PHACTR2: variants seen among roughly 807,000 people sequenced by gnomAD.
PHACTR2 encodes chromosome 6 open reading frame 56.
A neutral mutation model predicts 76.0 loss-of-function variants in PHACTR2; 30 were observed. That is an observed-to-expected ratio of 0.39 (90% CI 0.30 to 0.54). The LOEUF is 0.54. PHACTR2 is among the 20% of genes least tolerant of loss of function. PHACTR2 has a pLI of 0.61. For synonymous variants in PHACTR2, 292 were observed against 292.5 expected (o/e 1.00, Z 0.02); for missense variants, 696 against 781.1 (o/e 0.89, Z 1.30).
At chr6:143,716,479 C>T (rs577672980) in intron 2 of PHACTR2, among the ~76,000 whole-genome samples, 34 of 152,236 alleles carry the variant, frequency 2.2e-4, no homozygotes, top group African/African-American at 7.5e-4. Flanking sequence ...GCACACGCCA[C>T]GATGCCCAGT....
At chr6:143,706,234 A>C (rs1181770776) in intron 1 of PHACTR2, among the ~76,000 whole-genome samples, 1 of 152,150 alleles carries the variant, frequency 6.6e-6, no homozygotes, top group Non-Finnish European at 1.5e-5. Context: ...CTCTTGAAGC[A>C]GCCTTTTCTG....
At chr6:143,607,141 C>T (rs1243340462), upstream of PHACTR2, among the ~76,000 whole-genome samples, 1 of 151,626 alleles carries the variant, frequency 6.6e-6, no homozygotes, top group Non-Finnish European at 1.5e-5. Context: ...TCAAATTTGG[C>T]AACTCTGGGG....
At chr6:143,584,821 T>G (rs1775609101) in intron 1 of PHACTR2, among the ~76,000 whole-genome samples, 1 of 151,986 alleles carries the variant, frequency 6.6e-6, no homozygotes, top group Non-Finnish European at 1.5e-5. Flanking sequence ...AGAAGTTTCC[T>G]TCTTTGGGAC....
rs1779180537 is a variant in PHACTR2 at position 143,751,504 on chromosome 6, T to C, written c.296-2250T>C. On this transcript the variant is annotated intron_variant, in intron 3 of 12. Transcript: ENST00000440869. The surrounding 1 kb of genome is among the most constrained non-coding windows in gnomAD (Gnocchi z 5.7). The stretch of plus-strand genomic sequence containing the variant: ...CTGTGGACTTTTGTCACTTGCCTTT[T>C]GGTCATACATGATTTTCTCTTTCTA... Among the ~76,000 whole-genome samples, 2 of 152,166 alleles carry C rather than the reference T, an allele frequency of 1.3e-5. No homozygotes were observed. The highest frequency in any genetic ancestry group is 4.8e-5 in the African/African-American group (2 of 41,432).
chr6:143,816,674 G>T lies in PHACTR2; in HGVS notation c.1923-7000G>T, dbSNP rs1225902716. The stretch of plus-strand genomic sequence containing the variant: ...TGTGTACTGCGATCCATGGGCAAAT[G>T]GTGTGTGCAGGAAAAAAAAAAAAAT... On this transcript the variant is annotated intron_variant, in intron 12 of 12. Transcript: ENST00000440869. The surrounding 1 kb of genome is among the most constrained non-coding windows in gnomAD (Gnocchi z 4.5). 6.6e-6 allele frequency among the ~76,000 whole-genome samples: 1 copy of T among 151,578 alleles called. No individual in the cohort carries two copies. The highest frequency in any genetic ancestry group is 1.5e-5 in the Non-Finnish European group (1 of 67,952).
In PHACTR2 at chr6:143,754,457, G is replaced by A. The variant is rs548907114; in HGVS notation, c.454+545G>A. On this transcript the variant is annotated intron_variant, in intron 4 of 12. Coordinates refer to ENST00000440869, the MANE Select transcript of PHACTR2 (RefSeq NM_001100164.2). This position sits in a 1 kb window ranked among gnomAD's most constrained non-coding sequence, Gnocchi z 6.2. ...CCCAGAGATGCCACGGACTGTGGTT[G>A]CTCTGCTGGCTGATTCCCACAGCCT... Among the ~76,000 whole-genome samples the A allele has an allele frequency of 3.9e-5, 6 of 152,342 alleles. No individual in the cohort carries two copies. The highest frequency in any genetic ancestry group is 1.2e-4 in the African/African-American group (5 of 41,570).
At chr6:143,725,762 C>A (rs1446124663) in intron 2 of PHACTR2, among the ~76,000 whole-genome samples, 2 of 150,848 alleles carry the variant, frequency 1.3e-5, no homozygotes, top group African/African-American at 4.9e-5. Flanking sequence ...GGAGGCAGAG[C>A]TTGCAGTGAG....
In PHACTR2 at chr6:143,678,315, C is replaced by A; in HGVS notation, c.46+106C>A. 2.9e-6 allele frequency: 3 copies of A among 1,042,296 alleles called. No homozygotes were observed. The highest frequency in any genetic ancestry group is 3.9e-6 in the Non-Finnish European group (3 of 771,048). The allele number at this position is 1,042,296 out of a possible 1,614,324, so 64.6% of individuals were successfully genotyped here. A position where few individuals can be genotyped will look rare whatever the true frequency, so the allele number is the denominator to read the frequency against. On this transcript the variant is annotated intron_variant, in intron 1 of 12. Transcript: ENST00000440869. This position sits in a 1 kb window ranked among gnomAD's most constrained non-coding sequence, Gnocchi z 6.2. ...TCGTCTGGTCGGGTTCCGCTCGGAC[C>A]CGCCAAGTCCCTCGGAGAAACCCCA...
chr6:143,824,725 G>A lies in PHACTR2; in HGVS notation c.*1036G>A, dbSNP rs1776499788. The A allele has an allele frequency of 6.6e-6, 1 of 152,044 alleles. No homozygotes were observed. The highest frequency in any genetic ancestry group is 6.6e-5 in the Admixed American group (1 of 15,232). 9.4% of individuals were successfully genotyped at this position (152,044 alleles called of 1,614,324 possible). A position where few individuals can be genotyped will look rare whatever the true frequency, so the allele number is the denominator to read the frequency against. ...TGCAGTTAGTCCTGCATGGGAATAAGGACTAGTTATTTTTTTAGTGCTGCA... is the reference window on the plus strand; with the variant it reads ...TGCAGTTAGTCCTGCATGGGAATAAAGACTAGTTATTTTTTTAGTGCTGCA... On this transcript the variant is annotated 3_prime_UTR_variant, in exon 13 of 13. Transcript: ENST00000440869. This position sits in a 1 kb window ranked among gnomAD's most constrained non-coding sequence, Gnocchi z 6.3.
chr6:143,771,222 A>G (rs1296094907), intron 6 of PHACTR2, among the ~76,000 whole-genome samples: 3 of 103,386 alleles, frequency 2.9e-5, no homozygotes, highest in African/African-American at 1.3e-4. Flanking sequence ...ATATATATAT[A>G]TATATATATA....
At chr6:143,590,342 C>T (rs1160424649) in intron 1 of PHACTR2, among the ~76,000 whole-genome samples, 1 of 152,040 alleles carries the variant, frequency 6.6e-6, no homozygotes, top group Admixed American at 6.6e-5. Context: ...CATGCAAGGC[C>T]TAATGAGCTT....
rs1483424685 is a variant in PHACTR2, at chr6:143,580,872, G to A, written c.217+43665G>A. Among the ~76,000 whole-genome samples the A allele has an allele frequency of 6.6e-6, 1 of 152,140 alleles. No homozygotes were observed. The highest frequency in any genetic ancestry group is 2.4e-5 in the African/African-American group (1 of 41,414). On this transcript the variant is annotated intron_variant, in intron 1 of 11. Coordinates refer to the PHACTR2 transcript ENST00000367584. The surrounding 1 kb of genome is among the most constrained non-coding windows in gnomAD (Gnocchi z 4.2). ...AGAATGCTGAGGGAACCAGGGTGGA[G>A]GTAAACTGGGAGGTGGGTGCTAAAA... is the stretch of plus-strand genomic sequence containing the variant.
intron 1 of PHACTR2, among the ~76,000 whole-genome samples, chr6:143,692,089 A>G (rs1777656098): frequency 6.6e-6 from 1 of 152,072 alleles, no homozygotes; most frequent in African/African-American, 2.4e-5. Flanking sequence ...CAGCCTCCCT[A>G]TGGAAGGCCA....
rs961435173 is a variant in PHACTR2, at chr6:143,627,779, T to C, written c.13+19457T>C. ...GCCACGCCCAGCTAATTTTTTGTATTTTTAGTAGAGATGGAGTTTCACTAT... is the reference window on the plus strand; with the variant it reads ...GCCACGCCCAGCTAATTTTTTGTATCTTTAGTAGAGATGGAGTTTCACTAT... On this transcript the variant is annotated intron_variant, in intron 1 of 11. Transcript: ENST00000305766. The surrounding 1 kb of genome is among the most constrained non-coding windows in gnomAD (Gnocchi z 4.3). Among the ~76,000 whole-genome samples, 7 of 152,092 alleles carry C rather than the reference T, an allele frequency of 4.6e-5. No individual in the cohort carries two copies. Among genetic ancestry groups the C allele is most frequent in the African/African-American group, 1.7e-4 (7 of 41,406 alleles).
intron 11 of PHACTR2, among the ~76,000 whole-genome samples, chr6:143,805,660 A>G (rs1562314297): frequency 6.6e-6 from 1 of 152,232 alleles, no homozygotes; most frequent in Non-Finnish European, 1.5e-5. Flanking sequence ...GCCATGTCAC[A>G]GAGGACTCAG....
rs1775227204 is a variant in PHACTR2 at position 143,774,453 on chromosome 6, A to G, written c.1589+238A>G. ...AGGAGTCAAAAACTTTTTTTTAAAG[A>G]CCAGTTGGCAAACATTTCAGGCTTT... On this transcript the variant is annotated intron_variant, in intron 8 of 12. Transcript: ENST00000440869. The surrounding 1 kb of genome is among the most constrained non-coding windows in gnomAD (Gnocchi z 5.4). 6.6e-6 allele frequency among the ~76,000 whole-genome samples: 1 copy of G among 152,202 alleles called. No homozygotes were observed. Among genetic ancestry groups the G allele is most frequent in the South Asian group, 2.1e-4 (1 of 4,832 alleles).
intron 2 of PHACTR2, among the ~76,000 whole-genome samples, chr6:143,715,981 G>C (rs1291634485): frequency 6.6e-6 from 1 of 152,044 alleles, no homozygotes; most frequent in African/African-American, 2.4e-5. Context: ...ATGCTTATTT[G>C]TAGCTAGCTA....
intron 2 of PHACTR2, among the ~76,000 whole-genome samples, chr6:143,725,346 G>C (rs1329649774): frequency 2.0e-5 from 3 of 149,950 alleles, no homozygotes; most frequent in African/African-American, 7.4e-5. Flanking sequence ...GACTACAGGC[G>C]CCCGCCACCA....
intron 1 of PHACTR2, among the ~76,000 whole-genome samples, chr6:143,566,078 G>T (rs1775358676): frequency 6.6e-6 from 1 of 150,460 alleles, no homozygotes; most frequent in African/African-American, 2.5e-5. Flanking sequence ...CAATCCTCCC[G>T]CCTTAGCTTT....
Sources: allele counts gnomAD v4.1 joint callset (sites outside exome capture counted in the v4.1 genomes callset), GRCh38; gene constraint gnomAD v4.1.1; non-coding constraint Gnocchi (gnomAD v3.1); transcripts MANE v1.5; gene names NCBI Gene and HGNC (gene_info 2026-07-23, HGNC 2026-07-21).